Variants in NOX4 observed in about 807,000 individuals in gnomAD.
The protein encoded by NOX4 is kidney oxidase-1.
In NOX4, 69 loss-of-function variants were observed where a neutral mutation model predicts 87.6. The observed-to-expected ratio is 0.79, with a 90% CI of 0.65 to 0.96. NOX4 has a LOEUF of 0.96. NOX4 is among the 40% of genes least tolerant of loss of function. The pLI is 0.00. For synonymous variants in NOX4, 275 were observed against 238.2 expected (o/e 1.15, Z -1.42); for missense variants, 680 against 681.5 (o/e 1.00, Z 0.02).
chr11:89,523,177 C>T, the NOX4 span, among the ~76,000 whole-genome samples: 640 of 152,156 alleles, frequency 4.2e-3, 1 homozygote, highest in Non-Finnish European at 7.0e-3. Context: ...GCACGTGTCA[C>T]CAAACCTGGC....
chr11:89,556,526 G>C, the NOX4 span, among the ~76,000 whole-genome samples: 1 of 139,820 alleles, frequency 7.2e-6, no homozygotes, highest in Admixed American at 7.1e-5. Flanking sequence ...CCATCAAGGG[G>C]AAGGGAGGGG....
chr11:89,409,998 G>A (rs976103106), intron 8 of NOX4, among the ~76,000 whole-genome samples: 5 of 152,106 alleles, frequency 3.3e-5, no homozygotes, highest in Admixed American at 3.3e-4. Context: ...GAGCTGGGAG[G>A]ATTACTTGAG....
At chr11:89,440,348 T>C (rs998649878) in intron 6 of NOX4, among the ~76,000 whole-genome samples, 2 of 152,134 alleles carry the variant, frequency 1.3e-5, no homozygotes, top group African/African-American at 2.4e-5. Flanking sequence ...GACGGAGTCT[T>C]ACTCTGTCAC....
chr11:89,579,352 T>C, the NOX4 span, among the ~76,000 whole-genome samples: 2 of 152,164 alleles, frequency 1.3e-5, no homozygotes, highest in Non-Finnish European at 2.9e-5. Context: ...TTGTAGTGAA[T>C]GTACCACTCT....
the NOX4 span, among the ~76,000 whole-genome samples, chr11:89,580,899 A>G: frequency 1.3e-5 from 2 of 152,180 alleles, no homozygotes; most frequent in Non-Finnish European, 2.9e-5. Flanking sequence ...AGTCTAAAGG[A>G]AGGAGAAATT....
At chr11:89,339,311 C>CA (rs1324529681) in intron 15 of NOX4, among the ~76,000 whole-genome samples, 1 of 151,800 alleles carries the variant, frequency 6.6e-6, no homozygotes, top group African/African-American at 2.4e-5. Flanking sequence ...GCACTAATAC[C>CA]AAAAAATAGT....
the NOX4 span, among the ~76,000 whole-genome samples, chr11:89,570,488 C>T: frequency 0.058 from 8,841 of 151,978 alleles, 856 homozygotes; most frequent in African/African-American, 0.2. Context: ...ATGTACCCCT[C>T]GAACCTAAAA....
chr11:89,535,676 TAC>T, the NOX4 span, among the ~76,000 whole-genome samples: 1 of 151,994 alleles, frequency 6.6e-6, no homozygotes, highest in Non-Finnish European at 1.5e-5. Flanking sequence ...TGCTCTGGGA[TAC>T]AGAGTTTAAA....
chr11:89,431,043 T>G (rs1405617069), intron 7 of NOX4, among the ~76,000 whole-genome samples: 1 of 152,054 alleles, frequency 6.6e-6, no homozygotes, highest in East Asian at 1.9e-4. Context: ...CCCTCAGAAA[T>G]AATACCACAC....
Position 89,449,543 on chromosome 11 carries a change from A to C in NOX4, c.265-19T>G, listed in dbSNP as rs776288475. 1.2e-5 allele frequency: 19 copies of C among 1,580,964 alleles called. No individual in the cohort carries two copies. In the African/African-American group the frequency reaches 2.2e-4, roughly 18 times the overall value. ...TTGGAACCTAAACAAAAATCATTTA[A>C]TATGGTAAAAATAATGCAACAAATG... On this transcript the variant is annotated intron_variant, in intron 3 of 17. Transcript: ENST00000263317.
the NOX4 span, among the ~76,000 whole-genome samples, chr11:89,535,179 A>T: frequency 6.6e-6 from 1 of 152,224 alleles, no homozygotes; most frequent in Admixed American, 6.5e-5. Flanking sequence ...CAGTCCCCTA[A>T]GATAAAAAAA....
At position 89,370,059 on chromosome 11, in the gene NOX4, T is replaced by C. The variant is rs565117904; in HGVS notation, c.1135+3373A>G. Among the ~76,000 whole-genome samples the C allele has an allele frequency of 3.3e-5, 5 of 152,176 alleles. No homozygotes were observed. The East Asian group carries it at 7.7e-4, about 24-fold the overall frequency. On this transcript the variant is annotated intron_variant, in intron 12 of 17. Transcript: ENST00000263317. ...ACAAATAAGAGAGTTATCAACTCTT[T>C]TGTGGCCCAGTCCTTAACTAAACCT... is the stretch of plus-strand genomic sequence containing the variant.
At chr11:89,572,780 C>T in the NOX4 span, among the ~76,000 whole-genome samples, 2 of 151,992 alleles carry the variant, frequency 1.3e-5, no homozygotes, top group Non-Finnish European at 2.9e-5. Flanking sequence ...ACATATATCT[C>T]TTAAATAGTG....
the NOX4 span, among the ~76,000 whole-genome samples, chr11:89,515,289 T>C: frequency 2.0e-5 from 3 of 152,046 alleles, no homozygotes; most frequent in Non-Finnish European, 4.4e-5. Context: ...CGTGAGTTTT[T>C]TTTAGCAGTT....
upstream of NOX4, among the ~76,000 whole-genome samples, chr11:89,500,588 G>T (rs1947006335): frequency 6.6e-6 from 1 of 152,074 alleles, no homozygotes. Context: ...AATGAGATGT[G>T]AGCAGAAGAG....
At chr11:89,547,623 G>T in the NOX4 span, among the ~76,000 whole-genome samples, 4 of 152,226 alleles carry the variant, frequency 2.6e-5, no homozygotes, top group Admixed American at 2.0e-4. Context: ...CAACATTAAA[G>T]ATTGAGAAGA....
chr11:89,568,172 A>C, the NOX4 span, among the ~76,000 whole-genome samples: 1 of 152,274 alleles, frequency 6.6e-6, no homozygotes, highest in South Asian at 2.1e-4. Flanking sequence ...CCAGAAACAA[A>C]GCCACTCAGC....
chr11:89,335,921 C>T lies in NOX4; in HGVS notation c.1540G>A (p.Ala514Thr). Reference sequence around the variant, plus strand: ...CCTATAAACAGTCTTGAATTCAGTGCATGATATTTTTCTCCAATTATCTTC... The same window carrying T: ...CCTATAAACAGTCTTGAATTCAGTGTATGATATTTTTCTCCAATTATCTTC... ...IQKIIGEKYH[A>T]LNSRLFIGRP... is the part of the protein sequence containing the mutation. The change falls in exon 17 of 18, where the codon GCA becomes ACA. Residue 514 changes from alanine (A) to threonine (T), a missense_variant. Transcript: ENST00000263317. 6.3e-7 allele frequency: 1 copy of T among 1,596,022 alleles called. No homozygotes were observed. Among genetic ancestry groups the T allele is most frequent in the Non-Finnish European group, 8.5e-7 (1 of 1,171,808 alleles).
chr11:89,460,353 C>A (rs1232487285), intron 2 of NOX4, among the ~76,000 whole-genome samples: 1 of 151,978 alleles, frequency 6.6e-6, no homozygotes, highest in Non-Finnish European at 1.5e-5. Flanking sequence ...GCAAAAGAAA[C>A]TACCATCAGA....
Sources: allele counts gnomAD v4.1 joint callset (sites outside exome capture counted in the v4.1 genomes callset), GRCh38; gene constraint gnomAD v4.1.1; transcripts MANE v1.5; gene names NCBI Gene and HGNC (gene_info 2026-07-23, HGNC 2026-07-21).